MAGI1: variants seen among roughly 807,000 people sequenced by gnomAD.
MAGI1 encodes the protein membrane associated guanylate kinase, WW and PDZ domain containing 1.
MAGI1 carries 58 observed loss-of-function variants against 139.9 expected under a neutral mutation model. That is an observed-to-expected ratio of 0.41 (90% CI 0.34 to 0.52). The LOEUF (loss-of-function observed/expected upper bound fraction) is 0.52. Among genes scored for constraint, MAGI1 ranks in the 20% least tolerant of loss-of-function variants. The pLI is 0.12. For synonymous variants in MAGI1, 812 were observed against 737.9 expected (o/e 1.10, Z -1.63); for missense variants, 1,874 against 1,901.6 (o/e 0.99, Z 0.27).
At chr3:65,671,904 A>T (rs143501713) in intron 1 of MAGI1, among the ~76,000 whole-genome samples, 1 of 152,322 alleles carries the variant, frequency 6.6e-6, no homozygotes, top group Non-Finnish European at 1.5e-5. Context: ...CTCATAAGGA[A>T]ATCTGGCCAA....
intron 4 of MAGI1, among the ~76,000 whole-genome samples, chr3:65,470,768 A>G (rs1167133215): frequency 6.6e-6 from 1 of 152,180 alleles, no homozygotes; most frequent in Non-Finnish European, 1.5e-5. Flanking sequence ...GAAATGTCAA[A>G]GAAGAAACCA....
In MAGI1 at chr3:65,653,159, C is replaced by T. The variant is rs747077219; in HGVS notation, c.314-31071G>A. Among the ~76,000 whole-genome samples the T allele has an allele frequency of 3.5e-4, 53 of 152,114 alleles. 2 individuals carry two copies. The highest frequency in any genetic ancestry group is 2.6e-4 in the Admixed American group (4 of 15,246). On this transcript the variant is annotated intron_variant, in intron 1 of 22. Coordinates refer to ENST00000402939, the MANE Select transcript of MAGI1 (RefSeq NM_001033057.2). ...TAGGAATAAAGAGCACCTTCTTGGA[C>T]CACAAAGTCACCTTTGACTCCCTCC...
At chr3:65,794,557 A>G (rs2039996247) in intron 1 of MAGI1, among the ~76,000 whole-genome samples, 1 of 152,074 alleles carries the variant, frequency 6.6e-6, no homozygotes, top group Non-Finnish European at 1.5e-5. Flanking sequence ...AACCCTCATT[A>G]AAGCAGCTGG....
intron 1 of MAGI1, among the ~76,000 whole-genome samples, chr3:65,664,507 C>G (rs891961471): frequency 6.6e-6 from 1 of 152,168 alleles, no homozygotes; most frequent in Non-Finnish European, 1.5e-5. Context: ...AATAACTTAT[C>G]CAAGTGGCAA....
intron 1 of MAGI1, among the ~76,000 whole-genome samples, chr3:65,682,495 G>GC: frequency 6.6e-6 from 1 of 152,314 alleles, no homozygotes; most frequent in East Asian, 1.9e-4. Context: ...TGGAGCTACA[G>GC]CAAGTGGCCA....
Position 65,946,341 on chromosome 3 carries a change from C to T in MAGI1, c.313+91655G>A, listed in dbSNP as rs115559725. The stretch of plus-strand genomic sequence containing the variant: ...CTTGTGGGCTATTGACGCTGACCTC[C>T]CAACTTGGTGCCAGTTAGAATTTCC... On this transcript the variant is annotated intron_variant, in intron 1 of 22. Coordinates refer to ENST00000402939, the MANE Select transcript of MAGI1 (RefSeq NM_001033057.2). Among the ~76,000 whole-genome samples the T allele has an allele frequency of 3.7e-3, 569 of 152,320 alleles. 3 individuals carry two copies. The highest frequency in any genetic ancestry group is 0.013 in the African/African-American group (539 of 41,572).
chr3:66,032,932 A>AC lies in MAGI1; in HGVS notation c.313+5063_313+5064insG, dbSNP rs1443555097. Among the ~76,000 whole-genome samples the AC allele has an allele frequency of 9.0e-3, 1,284 of 143,162 alleles. 17 individuals are homozygous for AC. Among genetic ancestry groups the AC allele is most frequent in the African/African-American group, 0.033 (1,202 of 36,706 alleles). 93.9% of individuals were successfully genotyped at this position (143,162 alleles called of 152,430 possible). A position where few individuals can be genotyped will look rare whatever the true frequency, so the allele number is the denominator to read the frequency against. Reference sequence around the variant, plus strand: ...TCCATCTCAAAAAAAAAAAAAAAAAAAACAACAACAACAACAACAGAAGAT... The same window carrying AC: ...TCCATCTCAAAAAAAAAAAAAAAAAACAACAACAACAACAACAACAGAAGAT... On this transcript the variant is annotated intron_variant, in intron 1 of 22. Coordinates refer to ENST00000402939, the MANE Select transcript of MAGI1 (RefSeq NM_001033057.2).
At chr3:65,834,667 G>T (rs2042712792) in intron 1 of MAGI1, among the ~76,000 whole-genome samples, 1 of 152,214 alleles carries the variant, frequency 6.6e-6, no homozygotes. Context: ...ATTATTGAGA[G>T]AGGGGTTTTG....
At chr3:65,649,355 G>A (rs2107300572) in intron 1 of MAGI1, among the ~76,000 whole-genome samples, 1 of 152,272 alleles carries the variant, frequency 6.6e-6, no homozygotes, top group East Asian at 1.9e-4. Context: ...ACTCCAGCCT[G>A]GGTGACAGAG....
chr3:65,764,846 T>C (rs1466103130), intron 1 of MAGI1, among the ~76,000 whole-genome samples: 2 of 152,232 alleles, frequency 1.3e-5, no homozygotes, highest in African/African-American at 4.8e-5. Context: ...CTGAAGCTTG[T>C]TGATTTCTCC....
chr3:65,749,710 T>TTAAAA (rs67423926), intron 1 of MAGI1, among the ~76,000 whole-genome samples: 7 of 134,826 alleles, frequency 5.2e-5, no homozygotes, highest in Non-Finnish European at 7.9e-5. Flanking sequence ...TAGTCTGAGT[T>TTAAAA]AAAAAAAAAA....
intron 1 of MAGI1, among the ~76,000 whole-genome samples, chr3:65,683,676 ATG>A (rs35284652): frequency 0.6 from 88,390 of 146,922 alleles, 27,659 homozygotes; most frequent in East Asian, 0.95. Flanking sequence ...ATATATATAT[ATG>A]TATGGCAAGC....
chr3:65,954,288 T>A (rs797021717), intron 1 of MAGI1, among the ~76,000 whole-genome samples: 76 of 152,292 alleles, frequency 5.0e-4, no homozygotes, highest in African/African-American at 1.7e-3. Flanking sequence ...AAGCCATTTG[T>A]TTCCCACAGT....
At chr3:65,489,076 C>T (rs1156855566) in intron 3 of MAGI1, among the ~76,000 whole-genome samples, 3 of 152,134 alleles carry the variant, frequency 2.0e-5, no homozygotes, top group South Asian at 2.1e-4. Context: ...CTTTGATTTA[C>T]CATGTGAACT....
At chr3:65,462,562 A>G (rs1006877592) in intron 5 of MAGI1, among the ~76,000 whole-genome samples, 4 of 152,330 alleles carry the variant, frequency 2.6e-5, no homozygotes, top group East Asian at 1.9e-4. Flanking sequence ...TGATGCCTCC[A>G]GCTTTGTTCT....
At position 65,430,721 on chromosome 3, in the gene MAGI1, T is replaced by G; in HGVS notation, c.1524A>C (p.Ala508=). 6.2e-7 allele frequency: 1 copy of G among 1,613,484 alleles called. No individual in the cohort carries two copies. The highest frequency in any genetic ancestry group is 8.5e-7 in the Non-Finnish European group (1 of 1,179,692). Residue 508 remains alanine, a synonymous_variant, in exon 11 of 23, where the codon GCA becomes GCC. Coordinates refer to ENST00000402939, the MANE Select transcript of MAGI1 (RefSeq NM_001033057.2). Reference sequence around the variant, plus strand: ...TACCTGTTTCCATCTTGCCATCCAATGCAGCAGGACCATCTAGGACCAAGC... The same window carrying G: ...TACCTGTTTCCATCTTGCCATCCAAGGCAGCAGGACCATCTAGGACCAAGC... The part of the protein sequence containing the change: ...IKSLVLDGPA[A]LDGKMETGDV...
chr3:65,466,964 T>C (rs1016017928), intron 5 of MAGI1, among the ~76,000 whole-genome samples: 2 of 152,202 alleles, frequency 1.3e-5, no homozygotes, highest in African/African-American at 4.8e-5. Context: ...AGGATGCCCC[T>C]TTCCTGATCC....
intron 2 of MAGI1, among the ~76,000 whole-genome samples, chr3:65,517,789 C>CA (rs1238606488): frequency 1.3e-5 from 2 of 152,228 alleles, no homozygotes; most frequent in East Asian, 1.9e-4. Flanking sequence ...TTGATCCTCC[C>CA]ACCCAACCAT....
intron 1 of MAGI1, among the ~76,000 whole-genome samples, chr3:65,700,436 C>T (rs993125041): frequency 2.6e-5 from 4 of 151,472 alleles, no homozygotes; most frequent in Admixed American, 6.6e-5. Context: ...GGCTACAGAG[C>T]GAGACTCCAT....
Sources: allele counts gnomAD v4.1 joint callset (sites outside exome capture counted in the v4.1 genomes callset), GRCh38; gene constraint gnomAD v4.1.1; transcripts MANE v1.5; gene names NCBI Gene and HGNC (gene_info 2026-07-23, HGNC 2026-07-21).